Variants in KLF12 observed in about 807,000 individuals in gnomAD.
KLF12 encodes KLF transcription factor 12.
In KLF12, 9 loss-of-function variants were observed where a neutral mutation model predicts 37.8. The ratio of observed to expected loss-of-function variants is 0.24; its 90% CI spans 0.14 to 0.42. KLF12 has a LOEUF of 0.42. KLF12 is among the 10% of genes least tolerant of loss of function. The pLI, the probability that KLF12 is intolerant of heterozygous loss-of-function variation, is 1.00. For synonymous variants in KLF12, 208 were observed against 202.1 expected (o/e 1.03, Z -0.25); for missense variants, 411 against 516.0 (o/e 0.80, Z 1.97).
intron 2 of KLF12, among the ~76,000 whole-genome samples, chr13:73,947,861 G>A (rs1593770927): frequency 6.6e-6 from 1 of 152,098 alleles, no homozygotes. Context: ...CCTACAATGT[G>A]CCCTCCTAAC....
At chr13:74,206,654 G>T in the KLF12 span, among the ~76,000 whole-genome samples, 90 of 152,308 alleles carry the variant, frequency 5.9e-4, no homozygotes, top group African/African-American at 1.6e-3. Flanking sequence ...GTTGGTTCTA[G>T]AATAAGAATG....
intron 5 of KLF12, among the ~76,000 whole-genome samples, chr13:73,788,024 T>TAG (rs1264872344): frequency 6.6e-6 from 1 of 152,184 alleles, no homozygotes; most frequent in Non-Finnish European, 1.5e-5. Context: ...ACACTTTATT[T>TAG]AATAAAAATA....
intron 1 of KLF12, among the ~76,000 whole-genome samples, chr13:74,051,886 G>T (rs1872947833): frequency 6.6e-6 from 1 of 152,048 alleles, no homozygotes; most frequent in Non-Finnish European, 1.5e-5. Context: ...AATGCATTTT[G>T]AATGTTCTCC....
chr13:73,979,795 G>A (rs1334211373), intron 2 of KLF12, among the ~76,000 whole-genome samples: 2 of 152,142 alleles, frequency 1.3e-5, no homozygotes, highest in Non-Finnish European at 2.9e-5. Context: ...GTCCTAACCT[G>A]TAGAGCCTCA....
chr13:73,762,547 T>A (rs755404381), intron 6 of KLF12, among the ~76,000 whole-genome samples: 11 of 152,170 alleles, frequency 7.2e-5, no homozygotes, highest in Non-Finnish European at 1.5e-4. Context: ...TGAACACAAT[T>A]TTTTAATTGA....
At chr13:74,195,754 A>G in the KLF12 span, among the ~76,000 whole-genome samples, 1 of 152,034 alleles carries the variant, frequency 6.6e-6, no homozygotes, top group Non-Finnish European at 1.5e-5. Flanking sequence ...ACACACCACT[A>G]TGCCTAGCTA....
intron 3 of KLF12, among the ~76,000 whole-genome samples, chr13:73,912,208 C>G (rs1888601993): frequency 1.3e-5 from 2 of 152,140 alleles, no homozygotes; most frequent in Admixed American, 6.5e-5. Flanking sequence ...AAAAAAATCA[C>G]CACAGTTTAT....
the KLF12 span, among the ~76,000 whole-genome samples, chr13:74,237,457 A>G: frequency 2.2e-5 from 3 of 137,654 alleles, no homozygotes; most frequent in Non-Finnish European, 4.5e-5. Context: ...ACTTTAAAGT[A>G]GTTTTTGCCA....
chr13:73,966,844 C>G (rs908168588), intron 2 of KLF12, among the ~76,000 whole-genome samples: 5 of 152,184 alleles, frequency 3.3e-5, no homozygotes, highest in African/African-American at 9.7e-5. Flanking sequence ...CAGCTGACTT[C>G]TAGCTAACTG....
At position 73,954,304 on chromosome 13, in the gene KLF12, C is replaced by T. The variant is rs536208709; in HGVS notation, c.34-10234G>A. Among the ~76,000 whole-genome samples, 158 of 152,120 alleles carry T rather than the reference C, an allele frequency of 1.0e-3. 1 individual carries two copies. The highest frequency in any genetic ancestry group is 3.5e-3 in the African/African-American group (146 of 41,516). ...GGTTTTGTCTTTTTCTAAGAATCTA[C>T]ATTCATTCTCTTCATATATTTGTAA... is the stretch of plus-strand genomic sequence containing the variant. On this transcript the variant is annotated intron_variant, in intron 2 of 7. Transcript: ENST00000377669.
At chr13:74,102,128 G>A (rs1340166115) in intron 1 of KLF12, among the ~76,000 whole-genome samples, 1 of 151,612 alleles carries the variant, frequency 6.6e-6, no homozygotes, top group African/African-American at 2.4e-5. Flanking sequence ...TGAGGCAGGA[G>A]AATCGCTTGA....
chr13:74,087,547 A>G (rs1875388479), intron 1 of KLF12, among the ~76,000 whole-genome samples: 1 of 152,080 alleles, frequency 6.6e-6, no homozygotes, highest in Non-Finnish European at 1.5e-5. Flanking sequence ...ATGTGCCAAG[A>G]TGTGTGTCAG....
intron 3 of KLF12, among the ~76,000 whole-genome samples, chr13:73,867,228 A>G (rs1953736839): frequency 6.6e-6 from 1 of 152,056 alleles, no homozygotes; most frequent in Admixed American, 6.6e-5. Context: ...AAAAGTTGAA[A>G]GTAAATGAAT....
chr13:74,100,251 T>C (rs1486581567), intron 1 of KLF12, among the ~76,000 whole-genome samples: 1 of 152,090 alleles, frequency 6.6e-6, no homozygotes, highest in Non-Finnish European at 1.5e-5. Context: ...ACAGAATAGG[T>C]GGAGGCTACA....
chr13:73,868,605 G>A lies in KLF12; in HGVS notation c.124-22232C>T, dbSNP rs765155595. Among the ~76,000 whole-genome samples the A allele has an allele frequency of 3.4e-4, 52 of 152,014 alleles. 1 individual carries two copies. The highest frequency in any genetic ancestry group is 5.9e-5 in the Non-Finnish European group (4 of 67,994). ...GGGGTTTCACCATATTGGCCAGGCTGGTCTCTCGAACTCCTGACCTCATGA... is the reference window on the plus strand; with the variant it reads ...GGGGTTTCACCATATTGGCCAGGCTAGTCTCTCGAACTCCTGACCTCATGA... On this transcript the variant is annotated intron_variant, in intron 3 of 7. Coordinates refer to ENST00000377669, the MANE Select transcript of KLF12 (RefSeq NM_007249.5).
At chr13:74,299,462 A>G in the KLF12 span, among the ~76,000 whole-genome samples, 7 of 152,194 alleles carry the variant, frequency 4.6e-5, no homozygotes, top group East Asian at 1.4e-3. Context: ...TTGTGGCAAT[A>G]TTTTCTATCA....
At chr13:74,166,159 C>G in the KLF12 span, among the ~76,000 whole-genome samples, 1 of 142,766 alleles carries the variant, frequency 7.0e-6, no homozygotes, top group African/African-American at 2.6e-5. Flanking sequence ...GTGGCGCGAT[C>G]CCAGCTTACT....
the KLF12 span, among the ~76,000 whole-genome samples, chr13:74,230,972 G>T: frequency 6.6e-6 from 1 of 151,512 alleles, no homozygotes; most frequent in Non-Finnish European, 1.5e-5. Context: ...CTTAGTCATT[G>T]GTCCTCATCT....
At chr13:74,094,879 C>T (rs956412195) in intron 1 of KLF12, among the ~76,000 whole-genome samples, 1 of 152,134 alleles carries the variant, frequency 6.6e-6, no homozygotes, top group Non-Finnish European at 1.5e-5. Context: ...AGATTACAGG[C>T]GTGAGCCACC....
Sources: gnomAD v4.1 joint callset for allele counts (sites outside exome capture counted in the v4.1 genomes callset) on GRCh38, gnomAD v4.1.1 for gene constraint, MANE v1.5 for transcripts, NCBI Gene and HGNC (gene_info 2026-07-23, HGNC 2026-07-21) for gene names.